The following CSMD1 variants were observed in gnomAD, a reference collection of about 807,000 sequenced individuals.
CSMD1 encodes the protein CUB and Sushi multiple domains 1.
Under a neutral mutation model 417.5 loss-of-function variants are expected in CSMD1, and 213 were observed. The ratio of observed to expected loss-of-function variants is 0.51; its 90% confidence interval spans 0.46 to 0.57. CSMD1 has a LOEUF of 0.57. Among genes scored for constraint, CSMD1 ranks in the 20% least tolerant of loss-of-function variants. CSMD1 has a pLI of 0.00. For synonymous variants in CSMD1, 2,862 were observed against 1,736.8 expected (o/e 1.65, Z -16.11); for missense variants, 6,923 against 4,529.7 (o/e 1.53, Z -15.17).
At chr8:3,556,552 C>CTCT (rs1554468421) in intron 10 of CSMD1, among the ~76,000 whole-genome samples, 57,552 of 138,970 alleles carry the variant, frequency 0.41, 11,757 homozygotes, top group Middle Eastern at 0.45. Context: ...ACACACACAC[C>CTCT]CTCTCTCTCT....
intron 12 of CSMD1, among the ~76,000 whole-genome samples, chr8:3,466,221 C>T (rs530093959): frequency 7.8e-4 from 117 of 150,290 alleles, no homozygotes; most frequent in African/African-American, 2.7e-3. Flanking sequence ...TTTTTAATGA[C>T]GAGTCTGATA....
rs371205217 is a variant in CSMD1, at chr8:4,412,277, A to G, written c.415+7676T>C. Among the ~76,000 whole-genome samples the G allele has an allele frequency of 4.9e-4, 74 of 152,234 alleles. 1 individual carries two copies. The South Asian group carries it at 0.015, about 30-fold the overall frequency. ...ATGGTGGGGCAGATTTCTCATGAAT[A>G]GTTTACCACCATCCTCTCGGTTGCT... On this transcript the variant is annotated intron_variant, in intron 3 of 69. Transcript: ENST00000635120.
chr8:4,254,964 C>G (rs573210597), intron 3 of CSMD1, among the ~76,000 whole-genome samples: 1 of 152,308 alleles, frequency 6.6e-6, no homozygotes, highest in South Asian at 2.1e-4. Context: ...ACTCCATAAC[C>G]ATCGACTTTA....
At chr8:3,306,983 T>G (rs1398513688) in intron 25 of CSMD1, among the ~76,000 whole-genome samples, 1 of 152,164 alleles carries the variant, frequency 6.6e-6, no homozygotes, top group African/African-American at 2.4e-5. Context: ...TTCTTTTATA[T>G]GTGTTACTTT....
intron 1 of CSMD1, among the ~76,000 whole-genome samples, chr8:4,881,263 T>C (rs948843692): frequency 2.6e-5 from 4 of 152,160 alleles, no homozygotes; most frequent in Non-Finnish European, 5.9e-5. Context: ...GGTCTCTCTG[T>C]GACTTCATTG....
intron 5 of CSMD1, among the ~76,000 whole-genome samples, chr8:3,888,099 C>T (rs962063890): frequency 3.3e-5 from 5 of 152,224 alleles, no homozygotes; most frequent in South Asian, 4.1e-4. Context: ...TAATTAAAAA[C>T]CAACGCTCCT....
At chr8:4,698,959 G>T (rs927794988) in intron 1 of CSMD1, among the ~76,000 whole-genome samples, 1 of 149,834 alleles carries the variant, frequency 6.7e-6, no homozygotes, top group South Asian at 2.1e-4. Context: ...ACCGTCGAAC[G>T]AACACGTCAG....
In CSMD1 at chr8:4,429,982, G is replaced by C. The variant is rs576577171; in HGVS notation, c.303-9917C>G. ...AAGGGGAGAATCCACTGGAAGCTGA[G>C]CTGGAAGATGAGGTCTCCTTAAGTG... On this transcript the variant is annotated intron_variant, in intron 2 of 69. Coordinates refer to ENST00000635120, the MANE Select transcript of CSMD1 (RefSeq NM_033225.6). Among the ~76,000 whole-genome samples the C allele has an allele frequency of 5.3e-5, 8 of 152,182 alleles. No homozygotes were observed. In the South Asian group the frequency reaches 6.2e-4, roughly 12 times the overall value.
At chr8:3,333,372 GAAAACACTTT>G (rs71199560) in intron 23 of CSMD1, among the ~76,000 whole-genome samples, 63,107 of 151,616 alleles carry the variant, frequency 0.42, 13,660 homozygotes, top group African/African-American at 0.54. Flanking sequence ...CCTATTATTT[GAAAACACTTT>G]AAAACACTTT....
intron 5 of CSMD1, among the ~76,000 whole-genome samples, chr8:3,946,693 T>C (rs1811250741): frequency 6.6e-6 from 1 of 152,198 alleles, no homozygotes; most frequent in Non-Finnish European, 1.5e-5. Context: ...TGGTCTAGTG[T>C]ATCTCCCCTT....
intron 1 of CSMD1, among the ~76,000 whole-genome samples, chr8:4,737,129 C>T (rs1810295252): frequency 6.6e-6 from 1 of 151,366 alleles, no homozygotes. Flanking sequence ...TGTGGTACAT[C>T]CATACCATGG....
intron 1 of CSMD1, among the ~76,000 whole-genome samples, chr8:4,844,505 G>A (rs566372016): frequency 2.6e-5 from 4 of 151,974 alleles, no homozygotes; most frequent in Non-Finnish European, 5.9e-5. Flanking sequence ...ACTCTTGGCC[G>A]CGTCAAGGTC....
chr8:3,115,506 A>T (rs767471584), intron 42 of CSMD1, among the ~76,000 whole-genome samples: 11 of 151,636 alleles, frequency 7.3e-5, no homozygotes, highest in Non-Finnish European at 1.5e-4. Context: ...CCGGCCTAAA[A>T]CCCCCACCTT....
At chr8:3,988,308 G>A (rs897673641) in intron 5 of CSMD1, among the ~76,000 whole-genome samples, 1 of 152,186 alleles carries the variant, frequency 6.6e-6, no homozygotes, top group Non-Finnish European at 1.5e-5. Context: ...TTTCAACAGA[G>A]ACAAAAGAGC....
chr8:4,192,052 G>T lies in CSMD1; in HGVS notation c.416-159953C>A, dbSNP rs571515049. Among the ~76,000 whole-genome samples the T allele has an allele frequency of 3.1e-3, 472 of 152,206 alleles. 2 individuals are homozygous for T. Among genetic ancestry groups the T allele is most frequent in the African/African-American group, 0.011 (449 of 41,512 alleles). On this transcript the variant is annotated intron_variant, in intron 3 of 69. Coordinates refer to ENST00000635120, the MANE Select transcript of CSMD1 (RefSeq NM_033225.6). ...ATTCTCCTGCAACAAAAGTATTTGTGTTTTCATCTCAATAGCCATTACAGA... is the reference window on the plus strand; with the variant it reads ...ATTCTCCTGCAACAAAAGTATTTGTTTTTTCATCTCAATAGCCATTACAGA...
intron 50 of CSMD1, among the ~76,000 whole-genome samples, chr8:3,037,008 T>A (rs895942716): frequency 2.0e-5 from 3 of 152,154 alleles, no homozygotes; most frequent in African/African-American, 4.8e-5. Flanking sequence ...CAGAGTCCAC[T>A]GTATCATTCT....
intron 7 of CSMD1, among the ~76,000 whole-genome samples, chr8:3,620,594 T>C (rs1802375908): frequency 6.6e-6 from 1 of 152,146 alleles, no homozygotes; most frequent in South Asian, 2.1e-4. Flanking sequence ...CAATTTAAGA[T>C]ACTGCCATCA....
intron 65 of CSMD1, among the ~76,000 whole-genome samples, chr8:2,951,750 T>C (rs1391355955): frequency 6.6e-6 from 1 of 152,178 alleles, no homozygotes; most frequent in African/African-American, 2.4e-5. Context: ...TCGAAAAAGC[T>C]TACATATCCC....
chr8:4,780,360 G>A (rs183389117), intron 1 of CSMD1, among the ~76,000 whole-genome samples: 15 of 152,244 alleles, frequency 9.9e-5, no homozygotes, highest in African/African-American at 3.6e-4. Context: ...ACATTAAGCA[G>A]GTGTGATTTA....
Sources: allele counts gnomAD v4.1 joint callset (sites outside exome capture counted in the v4.1 genomes callset), GRCh38; gene constraint gnomAD v4.1.1; transcripts MANE v1.5; gene names NCBI Gene and HGNC (gene_info 2026-07-23, HGNC 2026-07-21).